MARCHF8: variants seen among roughly 807,000 people sequenced by gnomAD.
MARCHF8 encodes the protein E3 ubiquitin-protein ligase MARCHF8.
In MARCHF8, 40 loss-of-function variants were observed where a neutral mutation model predicts 51.6. That is an observed-to-expected ratio of 0.77 (90% CI 0.60 to 1.01). The LOEUF is 1.01. MARCHF8 is among the 50% of genes least tolerant of loss of function. The pLI, the probability that MARCHF8 is intolerant of heterozygous loss-of-function variation, is 0.00. For synonymous variants in MARCHF8, 263 were observed against 280.3 expected (o/e 0.94, Z 0.62); for missense variants, 685 against 708.6 (o/e 0.97, Z 0.38).
At chr10:45,590,830 C>G (rs1455418147) in intron 1 of MARCHF8, among the ~76,000 whole-genome samples, 1 of 152,226 alleles carries the variant, frequency 6.6e-6, no homozygotes, top group Non-Finnish European at 1.5e-5. Context: ...CTAAGACTGT[C>G]AGGCCTGAGC....
rs149236525 is a variant in MARCHF8 at position 45,459,617 on chromosome 10, G to A, written c.1270-350C>T. On this transcript the variant is annotated intron_variant, in intron 6 of 7. Coordinates refer to ENST00000453424, the MANE Select transcript of MARCHF8 (RefSeq NM_001282866.2). ...TGTTGGCCCAGGACCCAGGTACTACGTTTTAAGTCTCCCTGATGTGCTGAC... is the reference window on the plus strand; with the variant it reads ...TGTTGGCCCAGGACCCAGGTACTACATTTTAAGTCTCCCTGATGTGCTGAC... The A allele has an allele frequency of 4.4e-3, 3,243 of 731,110 alleles. 7 individuals are homozygous for A. The highest frequency in any genetic ancestry group is 5.1e-3 in the Non-Finnish European group (3,026 of 597,542). The allele number at this position is 731,110 out of a possible 1,614,324, so 45.3% of individuals were successfully genotyped here.
chr10:45,493,426 G>A (rs1048300351), intron 2 of MARCHF8, among the ~76,000 whole-genome samples: 7 of 152,168 alleles, frequency 4.6e-5, no homozygotes, highest in Non-Finnish European at 2.9e-5. Context: ...TCCTTCCTCA[G>A]AGAAGGTACT....
chr10:45,500,013 A>G (rs554396889), intron 2 of MARCHF8, among the ~76,000 whole-genome samples: 111 of 152,324 alleles, frequency 7.3e-4, no homozygotes, highest in African/African-American at 2.4e-3. Flanking sequence ...GAATATACAG[A>G]TTGATTTGGG....
intron 3 of MARCHF8, among the ~76,000 whole-genome samples, chr10:45,487,418 G>A (rs951592912): frequency 3.3e-5 from 5 of 152,314 alleles, no homozygotes; most frequent in African/African-American, 9.6e-5. Context: ...AGGGCAAGGC[G>A]ACATACATGT....
chr10:45,566,214 T>C (rs1397729404), intron 1 of MARCHF8, among the ~76,000 whole-genome samples: 2 of 152,222 alleles, frequency 1.3e-5, no homozygotes, highest in Non-Finnish European at 2.9e-5. Context: ...GTAAGCAATG[T>C]GAAGTAAGTA....
chr10:45,473,426 G>A (rs369831230), intron 3 of MARCHF8, among the ~76,000 whole-genome samples: 5 of 152,208 alleles, frequency 3.3e-5, no homozygotes, highest in African/African-American at 4.8e-5. Context: ...CTCGTGCTAC[G>A]GGCTTCCACT....
chr10:45,591,467 CAA>C (rs368744441), intron 1 of MARCHF8, among the ~76,000 whole-genome samples: 3 of 124,368 alleles, frequency 2.4e-5, no homozygotes, highest in Admixed American at 8.2e-5. Flanking sequence ...AACTCTGTCT[CAA>C]AAAAAAAAAA....
Position 45,455,762 on chromosome 10 carries a change from G to A in MARCHF8, c.*2477C>T, listed in dbSNP as rs1842581734. ...ACCTTCAAGAAAAGAAAAGGCAAGG[G>A]GGTGGCTCTGTGCCCCGCCAGGAGA... On this transcript the variant is annotated 3_prime_UTR_variant, in exon 8 of 8. Coordinates refer to ENST00000453424, the MANE Select transcript of MARCHF8 (RefSeq NM_001282866.2). The A allele has an allele frequency of 6.6e-6, 1 of 152,502 alleles. No homozygotes were observed. Among genetic ancestry groups the A allele is most frequent in the African/African-American group, 2.4e-5 (1 of 41,456 alleles). The allele number at this position is 152,502 out of a possible 1,614,324, so 9.4% of individuals were successfully genotyped here.
chr10:45,476,533 A>T (rs1198329146), intron 3 of MARCHF8, among the ~76,000 whole-genome samples: 1 of 152,182 alleles, frequency 6.6e-6, no homozygotes, highest in Non-Finnish European at 1.5e-5. Flanking sequence ...GCACCACTGT[A>T]CTCCTGCCTG....
chr10:45,565,749 A>C (rs2044357434), intron 1 of MARCHF8, among the ~76,000 whole-genome samples: 1 of 152,218 alleles, frequency 6.6e-6, no homozygotes, highest in African/African-American at 2.4e-5. Flanking sequence ...CTATAAAGTC[A>C]TCATGAACAC....
At chr10:45,486,944 G>T (rs892317356) in intron 3 of MARCHF8, among the ~76,000 whole-genome samples, 1 of 151,534 alleles carries the variant, frequency 6.6e-6, no homozygotes, top group African/African-American at 2.4e-5. Flanking sequence ...CAAGCAGCTG[G>T]GACTGCAGGT....
intron 2 of MARCHF8, among the ~76,000 whole-genome samples, chr10:45,512,711 C>T (rs1002786504): frequency 9.9e-5 from 15 of 152,124 alleles, no homozygotes; most frequent in Admixed American, 7.2e-4. Flanking sequence ...GCCACCACCC[C>T]GTCTGGGAGG....
intron 1 of MARCHF8, among the ~76,000 whole-genome samples, chr10:45,570,528 T>G (rs921295548): frequency 2.0e-5 from 3 of 152,194 alleles, no homozygotes; most frequent in African/African-American, 7.2e-5. Flanking sequence ...CTGAGGACTT[T>G]CCCTCAAAGA....
chr10:45,511,670 G>A lies in MARCHF8; in HGVS notation c.102+21440C>T, dbSNP rs556356431. On this transcript the variant is annotated intron_variant, in intron 2 of 7. Transcript: ENST00000453424. ...AGTGATCCGCCAGCCTCGGCCTCCC[G>A]AGGTGCTGGGATTGCAGACGGAGTC... Among the ~76,000 whole-genome samples the A allele has an allele frequency of 8.6e-3, 1,312 of 152,308 alleles. 9 individuals are homozygous for A. The highest frequency in any genetic ancestry group is 0.027 in the African/African-American group (1,143 of 41,568).
At chr10:45,469,190 C>T (rs1843075675) in intron 3 of MARCHF8, among the ~76,000 whole-genome samples, 1 of 152,052 alleles carries the variant, frequency 6.6e-6, no homozygotes, top group Admixed American at 6.5e-5. Context: ...CCACTGCCAT[C>T]TGTGCTGGTG....
intron 1 of MARCHF8, among the ~76,000 whole-genome samples, chr10:45,578,439 T>TA (rs1289952522): frequency 1.3e-5 from 2 of 152,140 alleles, no homozygotes; most frequent in Non-Finnish European, 1.5e-5. Context: ...ATCATTCAAA[T>TA]AAATAATTGA....
chr10:45,505,401 T>C (rs892866511), intron 2 of MARCHF8, among the ~76,000 whole-genome samples: 3 of 152,252 alleles, frequency 2.0e-5, no homozygotes, highest in Non-Finnish European at 2.9e-5. Context: ...TACTTGCAAC[T>C]ACCCAGTTGC....
At chr10:45,593,588 C>A (rs2044704961) in intron 1 of MARCHF8, 1 of 152,190 alleles carries the variant, frequency 6.6e-6, no homozygotes, top group Non-Finnish European at 1.5e-5. Context: ...TTCGGTTGGC[C>A]TCAAAAGTCT....
At chr10:45,573,087 G>A (rs986872689) in intron 1 of MARCHF8, among the ~76,000 whole-genome samples, 5 of 151,934 alleles carry the variant, frequency 3.3e-5, no homozygotes, top group African/African-American at 7.3e-5. Context: ...ATCAGTTAGC[G>A]TTTAGGCTCT....
Sources: allele counts gnomAD v4.1 joint callset (sites outside exome capture counted in the v4.1 genomes callset), GRCh38; gene constraint gnomAD v4.1.1; transcripts MANE v1.5; gene names NCBI Gene and HGNC (gene_info 2026-07-23, HGNC 2026-07-21).